Variants in CDH8 observed in about 807,000 individuals in gnomAD.
CDH8 encodes the protein cadherin 8.
Under a neutral mutation model 68.1 loss-of-function variants are expected in CDH8, and 17 were observed. The ratio of observed to expected loss-of-function variants is 0.25; its 90% CI spans 0.17 to 0.37. The LOEUF (loss-of-function observed/expected upper bound fraction) is 0.37, where lower values mean the gene tolerates loss of function less well. Ranked by LOEUF, CDH8 falls within the 10% of genes least tolerant of loss-of-function variation. CDH8 has a pLI of 1.00. For missense variants in CDH8, 763 were observed against 999.3 expected (o/e 0.76, Z 3.19); for synonymous variants, 372 against 365.1 (o/e 1.02, Z -0.21).
rs187213847 is a variant in CDH8 at position 61,769,652 on chromosome 16, A to T, written c.1414+19694T>A. Among the ~76,000 whole-genome samples the T allele has an allele frequency of 1.4e-3, 207 of 148,962 alleles. 4 individuals are homozygous for T. In the East Asian group the frequency reaches 0.034, roughly 25 times the overall value. ...TCCCATGGATTGAATCAACATTTCCAAATGGATTTATTTTACCCACCTCTT... is the reference window on the plus strand; with the variant it reads ...TCCCATGGATTGAATCAACATTTCCTAATGGATTTATTTTACCCACCTCTT... On this transcript the variant is annotated intron_variant, in intron 8 of 11. Coordinates refer to ENST00000577390, the MANE Select transcript of CDH8 (RefSeq NM_001796.5).
intron 8 of CDH8, among the ~76,000 whole-genome samples, chr16:61,783,141 GCTACGGGA>G (rs1961130689): frequency 7.0e-6 from 1 of 142,410 alleles, no homozygotes; most frequent in African/African-American, 2.7e-5. Context: ...ATTACTCTGA[GCTACGGGA>G]GGACATTCAA....
chr16:61,937,502 A>G (rs921478940), intron 2 of CDH8, among the ~76,000 whole-genome samples: 1 of 152,200 alleles, frequency 6.6e-6, no homozygotes, highest in African/African-American at 2.4e-5. Context: ...TCTGTTTACT[A>G]TCTGTTCCTT....
chr16:61,844,519 C>T (rs1025566652), intron 4 of CDH8, among the ~76,000 whole-genome samples: 2 of 152,162 alleles, frequency 1.3e-5, no homozygotes, highest in Admixed American at 1.3e-4. Flanking sequence ...AGATGACAGT[C>T]CTCAATAACC....
chr16:61,687,583 C>T (rs893896247), intron 10 of CDH8, among the ~76,000 whole-genome samples: 1 of 151,946 alleles, frequency 6.6e-6, no homozygotes, highest in African/African-American at 2.4e-5. Context: ...ATACTAACAA[C>T]GCCTTCAGCC....
intron 10 of CDH8, among the ~76,000 whole-genome samples, chr16:61,680,625 C>T (rs1014116773): frequency 6.6e-6 from 1 of 151,256 alleles, no homozygotes; most frequent in African/African-American, 2.4e-5. Flanking sequence ...CCCTCCCCTT[C>T]GTTTTACACA....
chr16:61,678,287 C>T (rs564544744), intron 10 of CDH8, among the ~76,000 whole-genome samples: 1 of 152,080 alleles, frequency 6.6e-6, no homozygotes, highest in Admixed American at 6.6e-5. Context: ...TCAGAATCTC[C>T]TGAGGGCTGT....
intron 2 of CDH8, among the ~76,000 whole-genome samples, chr16:61,930,507 C>G (rs1031266195): frequency 6.6e-6 from 1 of 152,012 alleles, no homozygotes; most frequent in African/African-American, 2.4e-5. Flanking sequence ...GTCAGTGCAC[C>G]CTTGAAAAGT....
chr16:61,703,178 C>T (rs888738525), intron 10 of CDH8, among the ~76,000 whole-genome samples: 5 of 152,050 alleles, frequency 3.3e-5, no homozygotes, highest in African/African-American at 4.8e-5. Context: ...TGGAATGTAA[C>T]GTTAGCTAGA....
intron 7 of CDH8, among the ~76,000 whole-genome samples, chr16:61,797,922 T>C (rs1465957455): frequency 1.3e-5 from 2 of 152,148 alleles, no homozygotes; most frequent in Non-Finnish European, 2.9e-5. Context: ...GTCTCATTTC[T>C]TCAGTGTGTT....
At chr16:62,000,991 G>T (rs1965884152) in intron 2 of CDH8, among the ~76,000 whole-genome samples, 1 of 152,032 alleles carries the variant, frequency 6.6e-6, no homozygotes, top group Admixed American at 6.6e-5. Context: ...CTCATTTAAG[G>T]TATTCAACAA....
At chr16:61,663,818 A>C (rs1280404534) in intron 10 of CDH8, among the ~76,000 whole-genome samples, 1 of 152,118 alleles carries the variant, frequency 6.6e-6, no homozygotes. Flanking sequence ...TTATTCTGGA[A>C]AAATTATATC....
chr16:61,758,614 G>T (rs1360833433), intron 8 of CDH8, among the ~76,000 whole-genome samples: 1 of 151,960 alleles, frequency 6.6e-6, no homozygotes, highest in Non-Finnish European at 1.5e-5. Flanking sequence ...TGTGTTATTG[G>T]TACAGACAGG....
intron 10 of CDH8, among the ~76,000 whole-genome samples, chr16:61,680,608 A>C (rs1963994170): frequency 6.6e-6 from 1 of 151,560 alleles, no homozygotes; most frequent in African/African-American, 2.4e-5. Context: ...GCATAACATC[A>C]CTTGCTCCCT....
At chr16:61,787,941 T>TAG (rs34480891) in intron 8 of CDH8, among the ~76,000 whole-genome samples, 38 of 78,720 alleles carry the variant, frequency 4.8e-4, no homozygotes, top group East Asian at 1.6e-3. Context: ...GGGACTGTGG[T>TAG]GGGGGGGGCG....
intron 8 of CDH8, among the ~76,000 whole-genome samples, chr16:61,776,249 C>T (rs1960897132): frequency 6.6e-6 from 1 of 152,060 alleles, no homozygotes. Context: ...CAAATATAGC[C>T]GTTGAGACCT....
rs536645473 is a variant in CDH8 at position 61,817,879 on chromosome 16, A to G, written c.1024-147T>C. Reference sequence around the variant, plus strand: ...ATCACTCTCCAGTCCCCCAGATTCAACCTGTAAATTTTATGGGCATTTATT... The same window carrying G: ...ATCACTCTCCAGTCCCCCAGATTCAGCCTGTAAATTTTATGGGCATTTATT... On this transcript the variant is annotated intron_variant, in intron 6 of 11. Coordinates refer to ENST00000577390, the MANE Select transcript of CDH8 (RefSeq NM_001796.5). 7.9e-6 allele frequency: 5 copies of G among 631,074 alleles called. No individual in the cohort carries two copies. In the South Asian group the frequency reaches 8.4e-5, roughly 11 times the overall value. The allele number at this position is 631,074 out of a possible 1,614,324, so 39.1% of individuals were successfully genotyped here. A position where few individuals can be genotyped will look rare whatever the true frequency, so the allele number is the denominator to read the frequency against.
intron 9 of CDH8, among the ~76,000 whole-genome samples, chr16:61,720,764 T>C (rs1959211047): frequency 6.6e-6 from 1 of 150,894 alleles, no homozygotes; most frequent in African/African-American, 2.4e-5. Context: ...TATTCCAATA[T>C]TAGAGCAATA....
At chr16:61,708,652 C>T (rs372075831) in intron 10 of CDH8, among the ~76,000 whole-genome samples, 6 of 152,202 alleles carry the variant, frequency 3.9e-5, no homozygotes, top group South Asian at 4.1e-4. Flanking sequence ...GCTTGCACAT[C>T]GCCCTTAATT....
At chr16:61,813,472 C>A (rs1473821248) in intron 7 of CDH8, among the ~76,000 whole-genome samples, 1 of 152,170 alleles carries the variant, frequency 6.6e-6, no homozygotes, top group Non-Finnish European at 1.5e-5. Flanking sequence ...CCGGCCTGCC[C>A]CGCAAGTGTT....
Sources: gnomAD v4.1 joint callset for allele counts (sites outside exome capture counted in the v4.1 genomes callset) on GRCh38, gnomAD v4.1.1 for gene constraint, MANE v1.5 for transcripts, NCBI Gene and HGNC (gene_info 2026-07-23, HGNC 2026-07-21) for gene names.